TENM3: variants seen among roughly 807,000 people sequenced by gnomAD.
TENM3 encodes the protein teneurin transmembrane protein 3, also known as teneurin-3.
A neutral mutation model predicts 255.1 loss-of-function variants in TENM3; 63 were observed. The observed-to-expected ratio is 0.25, with a 90% CI of 0.20 to 0.30. TENM3 has a LOEUF of 0.30. Ranked by LOEUF, TENM3 falls within the 10% of genes least tolerant of loss-of-function variation. The probability of loss-of-function intolerance (pLI) is 1.00; values close to 1 mark genes in which losing one functional copy is unlikely to be tolerated. For missense variants in TENM3, 2,929 were observed against 3,461.1 expected (o/e 0.85, Z 3.86); for synonymous variants, 1,306 against 1,322.3 (o/e 0.99, Z 0.27).
intron 3 of TENM3, among the ~76,000 whole-genome samples, chr4:182,378,131 A>G (rs1479325148): frequency 6.6e-6 from 1 of 152,190 alleles, no homozygotes; most frequent in Non-Finnish European, 1.5e-5. Context: ...CAGTCTGTGC[A>G]GATTTTGTTC....
chr4:182,719,477 T>C (rs5008401), intron 13 of TENM3, among the ~76,000 whole-genome samples: 151,192 of 151,842 alleles, frequency 1, 75,277 homozygotes, highest in Non-Finnish European at 1. Flanking sequence ...GCCAGGATGG[T>C]CTCGAACTCC....
chr4:182,382,641 C>T (rs1416325993), intron 3 of TENM3, among the ~76,000 whole-genome samples: 1 of 152,124 alleles, frequency 6.6e-6, no homozygotes, highest in African/African-American at 2.4e-5. Context: ...GTCCGGGGTG[C>T]CCAGGCTGCC....
chr4:181,664,936 C>T, the TENM3 span, among the ~76,000 whole-genome samples: 2 of 152,108 alleles, frequency 1.3e-5, no homozygotes, highest in Non-Finnish European at 1.5e-5. Flanking sequence ...TTTTAAAAAG[C>T]GAGATCACAT....
At chr4:181,530,008 TA>T in the TENM3 span, among the ~76,000 whole-genome samples, 3 of 152,206 alleles carry the variant, frequency 2.0e-5, no homozygotes, top group Non-Finnish European at 4.4e-5. Context: ...TTGGAAATCA[TA>T]AAGTTTGGCT....
Position 182,792,201 on chromosome 4 carries a change from T to A in TENM3, c.5602-73T>A, listed in dbSNP as rs1466709603. On this transcript the variant is annotated intron_variant, in intron 25 of 27. Coordinates refer to ENST00000511685, the MANE Select transcript of TENM3 (RefSeq NM_001080477.4). This position sits in a 1 kb window ranked among gnomAD's most constrained non-coding sequence, Gnocchi z 6.3. ...TTCTCTAGTGGAATGTTTCTGTGCA[T>A]CTGTGGTCACTAAATCTGCTTTTGC... 9.0e-6 allele frequency: 12 copies of A among 1,334,764 alleles called. No homozygotes were observed. The highest frequency in any genetic ancestry group is 1.3e-5 in the Non-Finnish European group (12 of 952,274). 82.7% of individuals were successfully genotyped at this position (1,334,764 alleles called of 1,614,324 possible). A position where few individuals can be genotyped will look rare whatever the true frequency, so the allele number is the denominator to read the frequency against.
chr4:181,474,323 T>A, the TENM3 span, among the ~76,000 whole-genome samples: 10,563 of 151,946 alleles, frequency 0.07, 1,115 homozygotes, highest in African/African-American at 0.23. Flanking sequence ...TGATAAAAAA[T>A]TTTTTTTAAA....
At chr4:182,613,227 T>A (rs1749172732) in intron 4 of TENM3, among the ~76,000 whole-genome samples, 1 of 152,206 alleles carries the variant, frequency 6.6e-6, no homozygotes, top group Non-Finnish European at 1.5e-5. Flanking sequence ...GTATAATAAC[T>A]GCCAACAATA....
At chr4:182,103,991 T>A in the TENM3 span, among the ~76,000 whole-genome samples, 12 of 152,214 alleles carry the variant, frequency 7.9e-5, no homozygotes, top group African/African-American at 2.9e-4. Context: ...TTTTATTCAA[T>A]CAGGTAAAAG....
At chr4:182,021,680 C>T in the TENM3 span, among the ~76,000 whole-genome samples, 1 of 152,014 alleles carries the variant, frequency 6.6e-6, no homozygotes, top group East Asian at 1.9e-4. Context: ...TCACTGTATC[C>T]CTTTCATCTA....
the TENM3 span, among the ~76,000 whole-genome samples, chr4:181,738,622 C>A: frequency 1.3e-5 from 2 of 152,008 alleles, no homozygotes; most frequent in African/African-American, 4.8e-5. Context: ...CTTTTGTTTT[C>A]TCTCGAGTCC....
chr4:181,689,851 C>G, the TENM3 span, among the ~76,000 whole-genome samples: 3 of 152,196 alleles, frequency 2.0e-5, no homozygotes, highest in South Asian at 6.2e-4. Context: ...ACGGATACAT[C>G]CCCCTACCAC....
the TENM3 span, among the ~76,000 whole-genome samples, chr4:181,560,030 T>C: frequency 5.3e-5 from 8 of 152,272 alleles, no homozygotes; most frequent in Admixed American, 6.5e-5. Context: ...TTTATTTTAA[T>C]GACTTGTCTT....
chr4:182,197,537 C>T (rs1753903848), intron 1 of TENM3, among the ~76,000 whole-genome samples: 1 of 152,108 alleles, frequency 6.6e-6, no homozygotes, highest in South Asian at 2.1e-4. Flanking sequence ...AAATAATTAT[C>T]CCACCGTGGT....
intron 24 of TENM3, among the ~76,000 whole-genome samples, chr4:182,785,131 C>A (rs983326195): frequency 3.9e-5 from 6 of 151,900 alleles, no homozygotes; most frequent in African/African-American, 1.4e-4. Context: ...GGCTGGAGTG[C>A]AGTAGTGTGA....
chr4:182,177,616 T>TATA (rs201985098), intron 1 of TENM3, among the ~76,000 whole-genome samples: 11 of 111,278 alleles, frequency 9.9e-5, no homozygotes, highest in African/African-American at 2.9e-4. Context: ...ATATATATAT[T>TATA]TTTTTTTTTT....
chr4:182,162,647 T>C (rs992452441), intron 1 of TENM3, among the ~76,000 whole-genome samples: 1 of 152,178 alleles, frequency 6.6e-6, no homozygotes, highest in Non-Finnish European at 1.5e-5. Flanking sequence ...GTTTGGAGGC[T>C]GGGAAGTCCA....
chr4:182,222,791 C>T (rs1755923202), intron 1 of TENM3, among the ~76,000 whole-genome samples: 1 of 152,122 alleles, frequency 6.6e-6, no homozygotes, highest in Non-Finnish European at 1.5e-5. Context: ...GGAGGAGGGC[C>T]TTCTGCAGTT....
chr4:182,503,105 T>C (rs78454073), intron 3 of TENM3, among the ~76,000 whole-genome samples: 6,274 of 152,184 alleles, frequency 0.041, 238 homozygotes, highest in East Asian at 0.1. Context: ...TACAGTTCAT[T>C]TCACCTCTGC....
chr4:181,978,649 AAAAAAAAAAAG>A, the TENM3 span, among the ~76,000 whole-genome samples: 4 of 151,138 alleles, frequency 2.6e-5, no homozygotes, highest in African/African-American at 9.7e-5. Context: ...CCATCTCAAA[AAAAAAAAAAAG>A]AAAAGAAAAG....
Sources: allele counts gnomAD v4.1 joint callset (sites outside exome capture counted in the v4.1 genomes callset), GRCh38; gene constraint gnomAD v4.1.1; non-coding constraint Gnocchi (gnomAD v3.1); transcripts MANE v1.5; gene names NCBI Gene and HGNC (gene_info 2026-07-23, HGNC 2026-07-21).